The following GALNT16 variants were observed in gnomAD, a reference collection of about 807,000 sequenced individuals.
GALNT16 encodes polypeptide N-acetylgalactosaminyltransferase 16.
GALNT16 carries 40 observed loss-of-function variants against 76.1 expected under a neutral mutation model. The observed-to-expected ratio is 0.53, with a 90% confidence interval of 0.41 to 0.68. GALNT16 has a LOEUF of 0.68. GALNT16 is among the 30% of genes least tolerant of loss of function. GALNT16 has a pLI of 0.00. For missense variants in GALNT16, 621 were observed against 731.9 expected (o/e 0.85, Z 1.75); for synonymous variants, 276 against 285.2 (o/e 0.97, Z 0.32).
At chr14:69,374,856 A>AAGCAAGAAAGAG in the GALNT16 span, among the ~76,000 whole-genome samples, 241 of 152,310 alleles carry the variant, frequency 1.6e-3, no homozygotes, top group African/African-American at 5.7e-3. Context: ...GGAAGGCAGA[A>AAGCAAGAAAGAG]AGCAAGAAAG....
chr14:69,312,150 C>G (rs2045035587), intron 1 of GALNT16, among the ~76,000 whole-genome samples: 1 of 151,726 alleles, frequency 6.6e-6, no homozygotes, highest in Non-Finnish European at 1.5e-5. Context: ...ACTCAGGAGA[C>G]TGAGGTGGGA....
the GALNT16 span, among the ~76,000 whole-genome samples, chr14:69,362,356 A>T: frequency 6.6e-6 from 1 of 152,338 alleles, no homozygotes; most frequent in Non-Finnish European, 1.5e-5. Flanking sequence ...GGCTTTGTCC[A>T]CTTGAGGTGG....
At chr14:69,383,646 C>G in the GALNT16 span, among the ~76,000 whole-genome samples, 13 of 152,120 alleles carry the variant, frequency 8.5e-5, no homozygotes, top group Non-Finnish European at 1.5e-4. Flanking sequence ...GGTTTTCAAG[C>G]TATGATAATT....
intron 6 of GALNT16, among the ~76,000 whole-genome samples, chr14:69,329,542 GT>G (rs1431884203): frequency 6.6e-6 from 1 of 152,170 alleles, no homozygotes; most frequent in Non-Finnish European, 1.5e-5. Context: ...ACAATAACAA[GT>G]GCTGGCAAGG....
At chr14:69,277,504 C>T (rs1318046138) in intron 1 of GALNT16, among the ~76,000 whole-genome samples, 3 of 152,304 alleles carry the variant, frequency 2.0e-5, no homozygotes, top group South Asian at 4.1e-4. Flanking sequence ...ATAGTTTGCT[C>T]AGAATGATGG....
intron 1 of GALNT16, among the ~76,000 whole-genome samples, chr14:69,271,991 A>G (rs2044412415): frequency 6.6e-6 from 1 of 152,184 alleles, no homozygotes; most frequent in Non-Finnish European, 1.5e-5. Context: ...AGAAAATTTT[A>G]ACTTGCATAC....
the GALNT16 span, chr14:69,380,658 A>G: frequency 5.4e-6 from 8 of 1,468,706 alleles, no homozygotes; most frequent in African/African-American, 8.3e-5. Context: ...GAGAAAGGGA[A>G]TAAGCAAAGT....
chr14:69,322,957 TGTGTGTGTGTGTGTGTGTGTGTGTGC>T (rs1429083812), intron 2 of GALNT16, among the ~76,000 whole-genome samples: 1 of 71,812 alleles, frequency 1.4e-5, no homozygotes, highest in African/African-American at 1.1e-4. Context: ...TGTGTGTGTG[TGTGTGTGTGTGTGTGTGTGTGTGTGC>T]GCGCGCACGC....
At chr14:69,299,398 A>G (rs963692112) in intron 1 of GALNT16, among the ~76,000 whole-genome samples, 1 of 152,194 alleles carries the variant, frequency 6.6e-6, no homozygotes, top group Non-Finnish European at 1.5e-5. Flanking sequence ...TTTATCTGGC[A>G]GTACTTTGGA....
the GALNT16 span, among the ~76,000 whole-genome samples, chr14:69,365,923 T>C: frequency 6.6e-6 from 1 of 152,184 alleles, no homozygotes; most frequent in Non-Finnish European, 1.5e-5. Flanking sequence ...ATAGCACATA[T>C]AGTCTAGAGG....
At chr14:69,315,341 A>T (rs1469885424) in intron 1 of GALNT16, among the ~76,000 whole-genome samples, 1 of 152,174 alleles carries the variant, frequency 6.6e-6, no homozygotes, top group Non-Finnish European at 1.5e-5. Flanking sequence ...TGGATTTGGC[A>T]CTCCCTAAAA....
At chr14:69,301,920 G>A (rs1446713888) in intron 1 of GALNT16, among the ~76,000 whole-genome samples, 1 of 152,178 alleles carries the variant, frequency 6.6e-6, no homozygotes, top group Non-Finnish European at 1.5e-5. Flanking sequence ...AACCCAGGAG[G>A]CGGGGTTGCA....
At chr14:69,274,259 A>C (rs2044442981) in intron 1 of GALNT16, among the ~76,000 whole-genome samples, 1 of 152,236 alleles carries the variant, frequency 6.6e-6, no homozygotes, top group Non-Finnish European at 1.5e-5. Context: ...ACAAATTGTT[A>C]CACAAATTAG....
chr14:69,272,662 C>G (rs1282032932), intron 1 of GALNT16, among the ~76,000 whole-genome samples: 1 of 152,220 alleles, frequency 6.6e-6, no homozygotes, highest in Admixed American at 6.5e-5. Flanking sequence ...CTCACTGACT[C>G]ACCCAGAGCA....
intron 11 of GALNT16, among the ~76,000 whole-genome samples, chr14:69,341,046 C>CT (rs1433009700): frequency 6.6e-6 from 1 of 152,092 alleles, no homozygotes; most frequent in African/African-American, 2.4e-5. Flanking sequence ...TAATGAGGAA[C>CT]TAACATTTAC....
chr14:69,322,617 C>T (rs1330038720), intron 2 of GALNT16, among the ~76,000 whole-genome samples: 1 of 152,136 alleles, frequency 6.6e-6, no homozygotes. Context: ...GTGGGCCAGG[C>T]ACGGTGGCTC....
At chr14:69,375,560 G>A in the GALNT16 span, among the ~76,000 whole-genome samples, 28,477 of 152,050 alleles carry the variant, frequency 0.19, 2,804 homozygotes, top group South Asian at 0.26. Context: ...TCCTCCAACC[G>A]CAGGTTTCCA....
the GALNT16 span, among the ~76,000 whole-genome samples, chr14:69,363,826 AC>A: frequency 3.3e-5 from 5 of 152,306 alleles, no homozygotes; most frequent in African/African-American, 7.2e-5. Context: ...GATCTTGTTA[AC>A]CTTGCAGATA....
At chr14:69,348,162 T>G in intron 14 of GALNT16, 160 bp downstream of exon 14, 1 of 660,962 alleles carries the variant, frequency 1.5e-6, no homozygotes, top group South Asian at 1.8e-5. Context: ...GTCAAGCCAA[T>G]TATTCTGCCC....
Sources: allele counts gnomAD v4.1 joint callset (sites outside exome capture counted in the v4.1 genomes callset), GRCh38; gene constraint gnomAD v4.1.1; transcripts MANE v1.5; gene names NCBI Gene and HGNC (gene_info 2026-07-23, HGNC 2026-07-21).